The following KIF16B variants were observed in gnomAD, a reference collection of about 807,000 sequenced individuals.
KIF16B encodes kinesin-like protein KIF16B.
KIF16B carries 98 observed loss-of-function variants against 156.3 expected under a neutral mutation model. That is an observed-to-expected ratio of 0.63 (90% CI 0.53 to 0.74). The LOEUF is 0.74. Ranked by LOEUF, KIF16B falls within the 30% of genes least tolerant of loss-of-function variation. The pLI is 0.00. For missense variants in KIF16B, 1,421 were observed against 1,606.5 expected, an observed-to-expected ratio of 0.88 and a Z score of 1.97; for synonymous variants, 564 against 583.7, an observed-to-expected ratio of 0.97 and a Z score of 0.49.
At chr20:16,435,234 C>T (rs76983865) in intron 12 of KIF16B, among the ~76,000 whole-genome samples, 17,187 of 152,168 alleles carry the variant, frequency 0.11, 1,191 homozygotes, top group Non-Finnish European at 0.17. Flanking sequence ...GGTTTGAGAA[C>T]GTTGCTTCTT....
chr20:16,273,460 C>T (rs764597938), intron 25 of KIF16B, 49 bp from the exon 26 acceptor site: 17 of 1,538,720 alleles, frequency 1.1e-5, no homozygotes, highest in African/African-American at 4.1e-5. Flanking sequence ...GAGGTCAAGG[C>T]GGGTGGGATC....
At chr20:16,465,200 T>C (rs146971438) in intron 12 of KIF16B, among the ~76,000 whole-genome samples, 6 of 152,330 alleles carry the variant, frequency 3.9e-5, no homozygotes, top group African/African-American at 1.4e-4. Flanking sequence ...AAAGGATTTC[T>C]AGTAGTCATT....
intron 14 of KIF16B, among the ~76,000 whole-genome samples, chr20:16,428,206 G>T (rs1439368718): frequency 6.6e-6 from 1 of 152,130 alleles, no homozygotes; most frequent in East Asian, 1.9e-4. Flanking sequence ...TGTGGTTTTT[G>T]CCATTACTGT....
At chr20:16,542,538 G>C (rs2070243983) in intron 1 of KIF16B, among the ~76,000 whole-genome samples, 1 of 152,238 alleles carries the variant, frequency 6.6e-6, no homozygotes, top group Non-Finnish European at 1.5e-5. Flanking sequence ...AAGGCAAGCA[G>C]CCAGAAAAGA....
chr20:16,490,001 G>C (rs925633141), intron 12 of KIF16B, among the ~76,000 whole-genome samples: 1 of 151,986 alleles, frequency 6.6e-6, no homozygotes. Context: ...ATAGCGAAGA[G>C]CATCACTGGG....
intron 12 of KIF16B, among the ~76,000 whole-genome samples, chr20:16,478,287 T>C (rs1260679171): frequency 6.6e-6 from 1 of 152,058 alleles, no homozygotes; most frequent in Non-Finnish European, 1.5e-5. Context: ...CTAGAGTGCA[T>C]AACATGAAAA....
intron 12 of KIF16B, among the ~76,000 whole-genome samples, chr20:16,461,357 A>G (rs2067341107): frequency 6.6e-6 from 1 of 152,152 alleles, no homozygotes; most frequent in Non-Finnish European, 1.5e-5. Context: ...CATGAAACCA[A>G]TTGATTCCAC....
intron 24 of KIF16B, among the ~76,000 whole-genome samples, chr20:16,326,619 G>T (rs1381229655): frequency 1.3e-5 from 2 of 151,880 alleles, no homozygotes; most frequent in Non-Finnish European, 2.9e-5. Flanking sequence ...CCCACAATGC[G>T]ATACCACCTT....
At chr20:16,383,730 A>G (rs2065160851) in intron 17 of KIF16B, among the ~76,000 whole-genome samples, 1 of 152,236 alleles carries the variant, frequency 6.6e-6, no homozygotes, top group Non-Finnish European at 1.5e-5. Context: ...GAATCATTGG[A>G]TAAAATACTT....
At chr20:16,494,835 A>G (rs2068401973) in intron 11 of KIF16B, among the ~76,000 whole-genome samples, 1 of 152,134 alleles carries the variant, frequency 6.6e-6, no homozygotes, top group Non-Finnish European at 1.5e-5. Flanking sequence ...ACCTCATTCT[A>G]TCTTTTTTTG....
Position 16,428,954 on chromosome 20 carries a change from A to G in KIF16B, c.1473T>C (p.Ile491=). Residue 491 remains isoleucine, a splice_region_variant and synonymous_variant, in exon 14 of 26, where the codon ATT becomes ATC. Coordinates refer to ENST00000354981, the MANE Select transcript of KIF16B (RefSeq NM_024704.5). ...CAGATCACTGATAAATATGCTCACC[A>G]ATATCTTGCTCCGTGGAAGCATCGT... ...GRDDASTEQD[I]VLHGLDLESE... 2.5e-6 allele frequency: 4 copies of G among 1,613,080 alleles called. No homozygotes were observed. Among genetic ancestry groups the G allele is most frequent in the African/African-American group, 1.3e-5 (1 of 75,018 alleles).
intron 23 of KIF16B, among the ~76,000 whole-genome samples, chr20:16,344,421 C>A (rs1463740408): frequency 6.6e-6 from 1 of 152,126 alleles, no homozygotes; most frequent in Non-Finnish European, 1.5e-5. Flanking sequence ...GCATGCACAC[C>A]CCATAGGTGC....
chr20:16,337,764 C>G (rs1397071561), intron 23 of KIF16B, among the ~76,000 whole-genome samples: 1 of 152,312 alleles, frequency 6.6e-6, no homozygotes, highest in Admixed American at 6.5e-5. Context: ...GGGGCTTCCT[C>G]CGGCCCACAG....
In KIF16B at chr20:16,420,630, C is replaced by A. The variant is rs1465805673; in HGVS notation, c.1612+6474G>T. Among the ~76,000 whole-genome samples, 7 of 152,164 alleles carry A rather than the reference C, an allele frequency of 4.6e-5. No individual in the cohort carries two copies. The East Asian group carries it at 7.7e-4, about 17-fold the overall frequency. ...ATTGTGACTTGAGTTACCACGCAGC[C>A]GCAGTCTCTCTTCTTGACATCTTTT... is the stretch of plus-strand genomic sequence containing the variant. On this transcript the variant is annotated intron_variant, in intron 15 of 25. Coordinates refer to ENST00000354981, the MANE Select transcript of KIF16B (RefSeq NM_024704.5).
intron 17 of KIF16B, among the ~76,000 whole-genome samples, chr20:16,403,745 G>T (rs1422474594): frequency 6.6e-6 from 1 of 152,200 alleles, no homozygotes; most frequent in Non-Finnish European, 1.5e-5. Context: ...CTATGACACT[G>T]AAGAAATTCC....
chr20:16,427,724 A>C (rs1332862090), intron 14 of KIF16B, among the ~76,000 whole-genome samples: 3 of 152,078 alleles, frequency 2.0e-5, no homozygotes, highest in Admixed American at 2.0e-4. Flanking sequence ...TTGGCATGAC[A>C]TGAATCTTGA....
chr20:16,426,387 G>C (rs929930969), intron 15 of KIF16B, among the ~76,000 whole-genome samples: 1 of 152,080 alleles, frequency 6.6e-6, no homozygotes, highest in African/African-American at 2.4e-5. Flanking sequence ...TCTAGGAAAG[G>C]CCAAGGAAAA....
At chr20:16,482,857 T>G (rs1358483958) in intron 12 of KIF16B, among the ~76,000 whole-genome samples, 1 of 152,060 alleles carries the variant, frequency 6.6e-6, no homozygotes, top group African/African-American at 2.4e-5. Flanking sequence ...ATTCACCTGC[T>G]CCCCCAACCC....
chr20:16,319,363 T>C (rs1568846353), intron 24 of KIF16B, among the ~76,000 whole-genome samples: 1 of 152,208 alleles, frequency 6.6e-6, no homozygotes, highest in Admixed American at 6.5e-5. Flanking sequence ...GATTTTTTTC[T>C]ATTAATCTAA....
Sources: allele counts gnomAD v4.1 joint callset (sites outside exome capture counted in the v4.1 genomes callset), GRCh38; gene constraint gnomAD v4.1.1; transcripts MANE v1.5; gene names NCBI Gene and HGNC (gene_info 2026-07-23, HGNC 2026-07-21).